DTD1: variants seen among roughly 807,000 people sequenced by gnomAD.
DTD1 encodes the protein D-aminoacyl-tRNA deacylase 1.
A neutral mutation model predicts 25.6 loss-of-function variants in DTD1; 13 were observed. The ratio of observed to expected loss-of-function variants is 0.51; its 90% confidence interval spans 0.33 to 0.81. The LOEUF is 0.81. DTD1 is among the 30% of genes least tolerant of loss of function. The probability of loss-of-function intolerance (pLI) is 0.02; values close to 1 mark genes in which losing one functional copy is unlikely to be tolerated. For missense variants in DTD1, 193 were observed against 266.4 expected (o/e 0.72, Z 1.92); for synonymous variants, 110 against 103.6 (o/e 1.06, Z -0.37).
rs2076727745 is a variant in DTD1 at position 18,749,272 on chromosome 20, C to A, written c.*19+5001C>A. ...AGGGCTCCAGGAGGCAGCTGCAGCCCAGTGAGGTAGCAAGACACGGTCAGG... is the reference window on the plus strand; with the variant it reads ...AGGGCTCCAGGAGGCAGCTGCAGCCAAGTGAGGTAGCAAGACACGGTCAGG... On this transcript the variant is annotated intron_variant, in intron 5 of 5. Transcript: ENST00000377452. The surrounding 1 kb of genome is among the most constrained non-coding windows in gnomAD (Gnocchi z 4.2). Among the ~76,000 whole-genome samples, 1 of 152,114 alleles carries A rather than the reference C, an allele frequency of 6.6e-6. No individual in the cohort carries two copies. The highest frequency in any genetic ancestry group is 1.5e-5 in the Non-Finnish European group (1 of 68,006).
intron 4 of DTD1, chr20:18,631,615 A>G (rs1438331862): frequency 1.0e-6 from 1 of 985,022 alleles, no homozygotes; most frequent in Non-Finnish European, 1.2e-6. Context: ...ACATTGCTTT[A>G]TTTCATGCCC....
intron 4 of DTD1, among the ~76,000 whole-genome samples, chr20:18,659,344 C>T (rs2060900838): frequency 6.6e-6 from 1 of 152,148 alleles, no homozygotes; most frequent in African/African-American, 2.4e-5. Flanking sequence ...GAAGGGGACT[C>T]TCCCATTCTC....
intron 4 of DTD1, among the ~76,000 whole-genome samples, chr20:18,665,094 A>G (rs1198978006): frequency 2.0e-5 from 3 of 152,232 alleles, no homozygotes; most frequent in African/African-American, 7.2e-5. Context: ...AATACCACGG[A>G]AGACATAGCT....
chr20:18,589,458 T>C (rs533127414), intron 1 of DTD1, among the ~76,000 whole-genome samples: 1 of 152,246 alleles, frequency 6.6e-6, no homozygotes, highest in Non-Finnish European at 1.5e-5. Flanking sequence ...TATTTAAATC[T>C]AAGAGTCTAT....
chr20:18,674,697 T>C (rs2060963291), intron 4 of DTD1: 1 of 152,414 alleles, frequency 6.6e-6, no homozygotes. Flanking sequence ...TCAGCTGGCC[T>C]CCCGTCTGTC....
At chr20:18,672,770 G>T (rs563323479) in intron 4 of DTD1, among the ~76,000 whole-genome samples, 55 of 152,298 alleles carry the variant, frequency 3.6e-4, no homozygotes, top group African/African-American at 1.2e-3. Context: ...CATCCTCATT[G>T]TAAGTGGTCC....
At chr20:18,759,594 CG>C (rs2061353140) in intron 5 of DTD1, among the ~76,000 whole-genome samples, 1 of 152,174 alleles carries the variant, frequency 6.6e-6, no homozygotes, top group East Asian at 1.9e-4. Flanking sequence ...GAGTTTCTGC[CG>C]AGAGATCCGC....
chr20:18,715,457 C>T (rs1035012418), intron 4 of DTD1, among the ~76,000 whole-genome samples: 12 of 152,110 alleles, frequency 7.9e-5, no homozygotes, highest in Non-Finnish European at 1.0e-4. Flanking sequence ...GGTGTCTGGC[C>T]GTGTACTGGG....
chr20:18,632,567 A>G, intron 4 of DTD1: 1 of 985,430 alleles, frequency 1.0e-6, no homozygotes, highest in Non-Finnish European at 1.2e-6. Context: ...ACTGATAGAT[A>G]AACACGTGTT....
At chr20:18,644,005 A>AT (rs1365773588) in intron 4 of DTD1, among the ~76,000 whole-genome samples, 1 of 152,120 alleles carries the variant, frequency 6.6e-6, no homozygotes, top group Non-Finnish European at 1.5e-5. Flanking sequence ...TAGATCATTC[A>AT]TTTTAACTGC....
intron 4 of DTD1, among the ~76,000 whole-genome samples, chr20:18,685,671 C>T (rs187269305): frequency 6.6e-6 from 1 of 152,176 alleles, no homozygotes; most frequent in Non-Finnish European, 1.5e-5. Context: ...GGGCTAAAAA[C>T]CAAATCAGCA....
In DTD1 at chr20:18,692,656, C is replaced by T. The variant is rs7273396; in HGVS notation, c.478-51444C>T. On this transcript the variant is annotated intron_variant, in intron 4 of 5. Coordinates refer to ENST00000377452, the MANE Select transcript of DTD1 (RefSeq NM_080820.6). ...TGGGCTGGAGTCAGGAGGAGCCCCACTGACTGCCTGGAAGGAGAGCTGAGG... is the reference window on the plus strand; with the variant it reads ...TGGGCTGGAGTCAGGAGGAGCCCCATTGACTGCCTGGAAGGAGAGCTGAGG... 9.4e-4 allele frequency among the ~76,000 whole-genome samples: 143 copies of T among 152,300 alleles called. 1 individual carries two copies. The highest frequency in any genetic ancestry group is 2.9e-3 in the African/African-American group (122 of 41,570).
chr20:18,754,744 A>G lies in DTD1; in HGVS notation c.*20-8616A>G, dbSNP rs560019682. ...AGTAACCTGGCTCCTGGGTTATTCTATAGTTCAAGAAAATAGGAAGAGACA... is the reference window on the plus strand; with the variant it reads ...AGTAACCTGGCTCCTGGGTTATTCTGTAGTTCAAGAAAATAGGAAGAGACA... On this transcript the variant is annotated intron_variant, in intron 5 of 5. Coordinates refer to ENST00000377452, the MANE Select transcript of DTD1 (RefSeq NM_080820.6). Among the ~76,000 whole-genome samples, 8 of 152,350 alleles carry G rather than the reference A, an allele frequency of 5.3e-5. No individual in the cohort carries two copies. In the South Asian group the frequency reaches 1.4e-3, roughly 28 times the overall value.
At chr20:18,703,691 A>AT (rs1403619985) in intron 4 of DTD1, among the ~76,000 whole-genome samples, 2 of 144,682 alleles carry the variant, frequency 1.4e-5, no homozygotes, top group African/African-American at 2.6e-5. Flanking sequence ...CCATGAACTC[A>AT]TTTTTTATCA....
At chr20:18,689,681 C>A (rs2061034016) in intron 4 of DTD1, among the ~76,000 whole-genome samples, 1 of 152,054 alleles carries the variant, frequency 6.6e-6, no homozygotes. Flanking sequence ...TGTTTTAAAA[C>A]TATCTAGACC....
intron 4 of DTD1, among the ~76,000 whole-genome samples, chr20:18,656,758 G>A (rs1416453534): frequency 6.6e-6 from 1 of 152,146 alleles, no homozygotes; most frequent in East Asian, 1.9e-4. Flanking sequence ...GACTCCACAC[G>A]TGTCTCAGTA....
intron 4 of DTD1, among the ~76,000 whole-genome samples, chr20:18,672,257 GTCA>G (rs1389006195): frequency 3.3e-5 from 5 of 152,020 alleles, no homozygotes; most frequent in African/African-American, 1.2e-4. Context: ...TAAAAGCTAA[GTCA>G]TCATTGTTAC....
intron 4 of DTD1, among the ~76,000 whole-genome samples, chr20:18,657,736 G>GA (rs1330704627): frequency 2.0e-5 from 3 of 152,196 alleles, no homozygotes; most frequent in African/African-American, 7.2e-5. Flanking sequence ...AGTATCTCAT[G>GA]TAGTTTCTGT....
chr20:18,741,835 G>A (rs373425957), intron 4 of DTD1, among the ~76,000 whole-genome samples: 13 of 151,038 alleles, frequency 8.6e-5, no homozygotes, highest in East Asian at 2.0e-4. Flanking sequence ...CGATCCTCCC[G>A]TCTCAGCCTC....
Sources: gnomAD v4.1 joint callset for allele counts (sites outside exome capture counted in the v4.1 genomes callset) on GRCh38, gnomAD v4.1.1 for gene constraint, Gnocchi (gnomAD v3.1) non-coding constraint, MANE v1.5 for transcripts, NCBI Gene and HGNC (gene_info 2026-07-23, HGNC 2026-07-21) for gene names.